The following HS6ST3 variants were observed in gnomAD, a reference collection of about 807,000 sequenced individuals.
HS6ST3 encodes the protein heparan sulfate 6-O-sulfotransferase 3.
A neutral mutation model predicts 36.7 loss-of-function variants in HS6ST3; 12 were observed. The ratio of observed to expected loss-of-function variants is 0.33; its 90% CI spans 0.21 to 0.53. The LOEUF (loss-of-function observed/expected upper bound fraction) is 0.53. Among genes scored for constraint, HS6ST3 ranks in the 20% least tolerant of loss-of-function variants. HS6ST3 has a pLI of 0.95. For missense variants in HS6ST3, 584 were observed against 640.9 expected (o/e 0.91, Z 0.96); for synonymous variants, 240 against 257.5 (o/e 0.93, Z 0.65).
chr13:96,545,873 C>T (rs1594803955), intron 1 of HS6ST3, among the ~76,000 whole-genome samples: 1 of 152,232 alleles, frequency 6.6e-6, no homozygotes, highest in Non-Finnish European at 1.5e-5. Context: ...GTAGAAAAAG[C>T]AGTCCACAAA....
intron 1 of HS6ST3, among the ~76,000 whole-genome samples, chr13:96,127,537 C>T (rs575814738): frequency 2.6e-5 from 4 of 152,282 alleles, no homozygotes; most frequent in South Asian, 4.1e-4. Flanking sequence ...TAACAGGCGA[C>T]GGACTGGTAT....
rs575864879 is a variant in HS6ST3, at chr13:96,691,392, T to C, written c.708-141098T>C. Among the ~76,000 whole-genome samples the C allele has an allele frequency of 2.6e-5, 4 of 152,224 alleles. No homozygotes were observed. The South Asian group carries it at 8.3e-4, about 32-fold the overall frequency. On this transcript the variant is annotated intron_variant, in intron 1 of 1. Coordinates refer to ENST00000376705, the MANE Select transcript of HS6ST3 (RefSeq NM_153456.4). Reference sequence around the variant, plus strand: ...TACTTGAAGGAACCCTATTGTCTTTTTTCTTACCACTGGTAGTCATATATA... The same window carrying C: ...TACTTGAAGGAACCCTATTGTCTTTCTTCTTACCACTGGTAGTCATATATA...
intron 1 of HS6ST3, among the ~76,000 whole-genome samples, chr13:96,657,607 T>C (rs2056629937): frequency 6.6e-6 from 1 of 152,170 alleles, no homozygotes; most frequent in African/African-American, 2.4e-5. Flanking sequence ...TTCAAATGCT[T>C]TGCTGTGAGT....
chr13:96,332,325 C>A (rs2055075366), intron 1 of HS6ST3, among the ~76,000 whole-genome samples: 1 of 152,156 alleles, frequency 6.6e-6, no homozygotes, highest in African/African-American at 2.4e-5. Context: ...GTATATGGCT[C>A]TTGCAGACCA....
intron 1 of HS6ST3, among the ~76,000 whole-genome samples, chr13:96,671,458 A>G (rs2056682407): frequency 6.6e-6 from 1 of 152,168 alleles, no homozygotes; most frequent in Non-Finnish European, 1.5e-5. Context: ...AGTTACCATA[A>G]ATCAGTTGCC....
At chr13:96,199,360 A>G (rs912396826) in intron 1 of HS6ST3, among the ~76,000 whole-genome samples, 3 of 152,242 alleles carry the variant, frequency 2.0e-5, no homozygotes, top group Admixed American at 6.5e-5. Context: ...GAGATTTTGT[A>G]TATATGATAT....
chr13:96,657,731 C>T (rs2056630664), intron 1 of HS6ST3, among the ~76,000 whole-genome samples: 1 of 152,114 alleles, frequency 6.6e-6, no homozygotes, highest in Non-Finnish European at 1.5e-5. Flanking sequence ...CGGAACCTTA[C>T]ATGGCAGCAG....
At chr13:96,702,548 A>T (rs1191686825) in intron 1 of HS6ST3, among the ~76,000 whole-genome samples, 1 of 152,216 alleles carries the variant, frequency 6.6e-6, no homozygotes, top group Non-Finnish European at 1.5e-5. Context: ...TACAGTGCGG[A>T]TCATCTACTT....
intron 1 of HS6ST3, among the ~76,000 whole-genome samples, chr13:96,662,305 AT>A (rs1034059147): frequency 1.3e-5 from 2 of 151,804 alleles, no homozygotes; most frequent in Non-Finnish European, 2.9e-5. Context: ...ATGTAGTTCT[AT>A]TTTTTTATTC....
chr13:96,412,323 G>T (rs12854187), intron 1 of HS6ST3, among the ~76,000 whole-genome samples: 68,082 of 151,928 alleles, frequency 0.45, 16,261 homozygotes, highest in Non-Finnish European at 0.55. Context: ...TTTCTAAGAG[G>T]AGAAGTCCAG....
intron 1 of HS6ST3, among the ~76,000 whole-genome samples, chr13:96,809,183 G>A (rs1878264475): frequency 6.6e-6 from 1 of 152,132 alleles, no homozygotes. Context: ...TGTTAGCCCT[G>A]TAATAATGTA....
chr13:96,535,933 G>C (rs562638583), intron 1 of HS6ST3, among the ~76,000 whole-genome samples: 7 of 152,324 alleles, frequency 4.6e-5, no homozygotes, highest in Admixed American at 2.0e-4. Context: ...ATAATTTAAA[G>C]TGTTACTAAT....
chr13:96,491,638 A>G (rs890052000), intron 1 of HS6ST3, among the ~76,000 whole-genome samples: 1 of 152,088 alleles, frequency 6.6e-6, no homozygotes, highest in African/African-American at 2.4e-5. Context: ...TTGCATACTC[A>G]TAGACATATG....
rs76476776 is a variant in HS6ST3, at chr13:96,111,247, A to C, written c.707+19678A>C. On this transcript the variant is annotated intron_variant, in intron 1 of 1. Coordinates refer to ENST00000376705, the MANE Select transcript of HS6ST3 (RefSeq NM_153456.4). Reference sequence around the variant, plus strand: ...TAATTAAGAACAGATGAACAATACTATTCAATTATCATATAGCTTAATTAC... The same window carrying C: ...TAATTAAGAACAGATGAACAATACTCTTCAATTATCATATAGCTTAATTAC... Among the ~76,000 whole-genome samples the C allele has an allele frequency of 5.6e-3, 850 of 152,326 alleles. 9 individuals carry two copies. Among genetic ancestry groups the C allele is most frequent in the African/African-American group, 0.019 (792 of 41,568 alleles).
chr13:96,604,544 G>T (rs2056431991), intron 1 of HS6ST3, among the ~76,000 whole-genome samples: 1 of 152,080 alleles, frequency 6.6e-6, no homozygotes, highest in Non-Finnish European at 1.5e-5. Flanking sequence ...TATGATCAAA[G>T]GTTGCAGAGA....
chr13:96,136,667 C>T (rs1005564337), intron 1 of HS6ST3, among the ~76,000 whole-genome samples: 104 of 131,118 alleles, frequency 7.9e-4, no homozygotes, highest in African/African-American at 2.8e-3. Context: ...AGGTATACAG[C>T]ATGATGTTAT....
chr13:96,809,703 A>G (rs1361822091), intron 1 of HS6ST3, among the ~76,000 whole-genome samples: 1 of 152,216 alleles, frequency 6.6e-6, no homozygotes, highest in East Asian at 1.9e-4. Flanking sequence ...TTGGTACCCC[A>G]GGCGCTTAAT....
At chr13:96,250,765 C>T (rs1328870027) in intron 1 of HS6ST3, among the ~76,000 whole-genome samples, 1 of 152,186 alleles carries the variant, frequency 6.6e-6, no homozygotes, top group Non-Finnish European at 1.5e-5. Flanking sequence ...GTACCTTCTA[C>T]ACATAATTTG....
intron 1 of HS6ST3, among the ~76,000 whole-genome samples, chr13:96,704,377 T>G (rs1370355005): frequency 6.6e-6 from 1 of 152,180 alleles, no homozygotes; most frequent in Non-Finnish European, 1.5e-5. Context: ...TCTGAGCTAT[T>G]CTGCCATAAA....
Sources: allele counts gnomAD v4.1 joint callset (sites outside exome capture counted in the v4.1 genomes callset), GRCh38; gene constraint gnomAD v4.1.1; transcripts MANE v1.5; gene names NCBI Gene and HGNC (gene_info 2026-07-23, HGNC 2026-07-21).